The following PER1 variants were observed in gnomAD, a reference collection of about 807,000 sequenced individuals.
PER1 encodes period circadian protein homolog 1.
Under a neutral mutation model 125.9 loss-of-function variants are expected in PER1, and 87 were observed. That is an observed-to-expected ratio of 0.69 (90% CI 0.58 to 0.83). PER1 has a LOEUF of 0.83. PER1 is among the 40% of genes least tolerant of loss of function. PER1 has a pLI of 0.00. For missense variants in PER1, 1,775 were observed against 1,722.8 expected (o/e 1.03, Z -0.54); for synonymous variants, 801 against 714.7 (o/e 1.12, Z -1.93).
At position 8,142,249 on chromosome 17, in the gene PER1, AG is replaced by A. The variant is rs1982127527; in HGVS notation, c.3449+19del. Reference sequence around the variant, plus strand: ...ACTACCTCTGAAAGGAAGGCCAAGAAGGCCTCTGAAATGCCTCACCTGGAGG... The same window carrying A: ...ACTACCTCTGAAAGGAAGGCCAAGAAGCCTCTGAAATGCCTCACCTGGAGG... On this transcript the variant is annotated intron_variant, in intron 21 of 22. Coordinates refer to ENST00000317276, the MANE Select transcript of PER1 (RefSeq NM_002616.3). 1.3e-6 allele frequency: 2 copies of A among 1,556,532 alleles called. No homozygotes were observed. Among genetic ancestry groups the A allele is most frequent in the East Asian group, 4.5e-5 (2 of 44,388 alleles).
chr17:8,148,262 G>A lies in PER1; in HGVS notation c.1049-3C>T, dbSNP rs1359174561. ...CTTGTCAGGGGGTATCCGGGGAGCT[G>A]AGGCACAGAGAGTGTGGTCACTGGG... On this transcript the variant is annotated splice_polypyrimidine_tract_variant and splice_region_variant and intron_variant, in intron 8 of 22. Transcript: ENST00000317276. 1.9e-6 allele frequency: 3 copies of A among 1,612,732 alleles called. No individual in the cohort carries two copies. Among genetic ancestry groups the A allele is most frequent in the Non-Finnish European group, 1.7e-6 (2 of 1,178,810 alleles).
chr17:8,148,030 C>T lies in PER1; in HGVS notation c.1201G>A (p.Asp401Asn). 2 of 1,613,270 alleles carry T rather than the reference C, an allele frequency of 1.2e-6. No homozygotes were observed. The highest frequency in any genetic ancestry group is 1.7e-6 in the Non-Finnish European group (2 of 1,179,662). Residue 401 changes from aspartate to asparagine, a missense_variant, in exon 10 of 23, where the codon GAC becomes AAC. Asp to Asn is a conservative substitution (Grantham distance 23). Coordinates refer to ENST00000317276, the MANE Select transcript of PER1 (RefSeq NM_002616.3). ...TGGATAGCCAGCATGAGGGGTCGGT[C>T]CTCAGGATGCAGGAACAGGAGCACT... ...APVLLFLHPE[D>N]RPLMLAIHKK...
chr17:8,145,009 T>C lies in PER1; in HGVS notation c.2219-16A>G. ...ATGATGATGTCTGAGGAGAGTGAGA[T>C]AGGGAAAGGTCATCAGAACCACTTC... On this transcript the variant is annotated splice_polypyrimidine_tract_variant and intron_variant, in intron 17 of 22. Transcript: ENST00000317276. 6.9e-7 allele frequency: 1 copy of C among 1,450,928 alleles called. No individual in the cohort carries two copies. The highest frequency in any genetic ancestry group is 1.6e-5 in the South Asian group (1 of 64,494). The allele number at this position is 1,450,928 out of a possible 1,614,324, so 89.9% of individuals were successfully genotyped here. A position where few individuals can be genotyped will look rare whatever the true frequency, so the allele number is the denominator to read the frequency against.
At chr17:8,144,596 A>G in intron 18 of PER1, 155 bp downstream of exon 18, 1 of 985,288 alleles carries the variant, frequency 1.0e-6, no homozygotes, top group Non-Finnish European at 1.5e-6. Flanking sequence ...AGTGGGGAGA[A>G]GCTAGCGAGG....
In PER1 at chr17:8,143,495, G is replaced by C; in HGVS notation, c.2843C>G (p.Thr948Ser). 1 of 1,583,220 alleles carries C rather than the reference G, an allele frequency of 6.3e-7. No homozygotes were observed. Among genetic ancestry groups the C allele is most frequent in the Non-Finnish European group, 8.6e-7 (1 of 1,162,622 alleles). ...TGGAGAAGGGGAGTGCGAGGCAGGA[G>C]TGGGAGGCCCTTCAGCAGGGGTCTG... ...ALQTPAEGPP[T>S]PASHSPSPSL... Residue 948 changes from threonine (T) to serine (S), a missense_variant, in exon 19 of 23, where the codon ACT becomes AGT. Coordinates refer to ENST00000317276, the MANE Select transcript of PER1 (RefSeq NM_002616.3).
chr17:8,143,813 G>A lies in PER1; in HGVS notation c.2525C>T (p.Ser842Leu), dbSNP rs763458765. The change falls in exon 19 of 23, where the codon TCA (serine) becomes TTA (leucine). Residue 842 changes from serine to leucine, a missense_variant. Coordinates refer to ENST00000317276, the MANE Select transcript of PER1 (RefSeq NM_002616.3). ...RHHCRSKAKR[S>L]RHHQNPRAEA... The stretch of plus-strand genomic sequence containing the variant: ...AGCCCGAGGGTTCTGGTGGTGGCGT[G>A]AGCGCTTGGCTTTGGATCGGCAGTG... The A allele has an allele frequency of 1.2e-6, 2 of 1,612,608 alleles. No individual in the cohort carries two copies. Among genetic ancestry groups the A allele is most frequent in the Non-Finnish European group, 1.7e-6 (2 of 1,179,336 alleles).
intron 17 of PER1, 127 bp downstream of exon 17, chr17:8,145,831 C>CA: frequency 9.2e-7 from 1 of 1,087,674 alleles, no homozygotes; most frequent in East Asian, 2.6e-5. Context: ...GCAGTAGCCC[C>CA]AAGCCCCAGG....
At position 8,148,272 on chromosome 17, in the gene PER1, G is replaced by T; in HGVS notation, c.1049-13C>A. ...GGTATCCGGGGAGCTGAGGCACAGA[G>T]AGTGTGGTCACTGGGTTTCGTCCAG... On this transcript the variant is annotated splice_polypyrimidine_tract_variant and intron_variant, in intron 8 of 22. Coordinates refer to ENST00000317276, the MANE Select transcript of PER1 (RefSeq NM_002616.3). The T allele has an allele frequency of 6.2e-7, 1 of 1,610,522 alleles. No homozygotes were observed. The highest frequency in any genetic ancestry group is 8.5e-7 in the Non-Finnish European group (1 of 1,176,880).
chr17:8,149,712 GAGT>G (rs1567537995), intron 5 of PER1, 40 bp downstream of exon 5: 1 of 1,612,902 alleles, frequency 6.2e-7, no homozygotes, highest in Non-Finnish European at 8.5e-7. Flanking sequence ...GTGGGAGAAG[GAGT>G]AGGGGTGCGT....
At chr17:8,144,384 GCCCAGACCCCA>G (rs879452813) in intron 18 of PER1, 3 of 427,568 alleles carry the variant, frequency 7.0e-6, no homozygotes, top group Non-Finnish European at 1.2e-5. Flanking sequence ...TGCCCTTGAA[GCCCAGACCCCA>G]CCCAGAGTTG....
chr17:8,143,578 G>T lies in PER1; in HGVS notation c.2760C>A (p.Ala920=), dbSNP rs1425719962. The T allele has an allele frequency of 6.8e-7, 1 of 1,467,812 alleles. No individual in the cohort carries two copies. Among genetic ancestry groups the T allele is most frequent in the Non-Finnish European group, 9.1e-7 (1 of 1,104,250 alleles). The allele number at this position is 1,467,812 out of a possible 1,614,324, so 90.9% of individuals were successfully genotyped here. A position where few individuals can be genotyped will look rare whatever the true frequency, so the allele number is the denominator to read the frequency against. ...FPAPLVTPMV[A]LVLPNYLFPT... ...GGAACAGATAGTTAGGGAGCACCAA[G>T]GCCACCATTGGGGTCACCAAAGGGG... Residue 920 remains alanine (A), a synonymous_variant, in exon 19 of 23, where the codon GCC becomes GCA. Transcript: ENST00000317276.
rs746413621 is a variant in PER1, at chr17:8,146,882, T to C, written c.1735+15A>G. Reference sequence around the variant, plus strand: ...CCAGGTCTGTCTCTTCACCCACACATCATCATCAACTCACCAGGGAGGCGG... The same window carrying C: ...CCAGGTCTGTCTCTTCACCCACACACCATCATCAACTCACCAGGGAGGCGG... On this transcript the variant is annotated intron_variant, in intron 14 of 22. Coordinates refer to ENST00000317276, the MANE Select transcript of PER1 (RefSeq NM_002616.3). 1 of 1,611,896 alleles carries C rather than the reference T, an allele frequency of 6.2e-7. No individual in the cohort carries two copies. The highest frequency in any genetic ancestry group is 1.1e-5 in the South Asian group (1 of 90,924).
rs747294677 is a variant in PER1 at position 8,149,952 on chromosome 17, C to T, written c.529+19G>A. 10 of 1,613,740 alleles carry T rather than the reference C, an allele frequency of 6.2e-6. No homozygotes were observed. In the African/African-American group the frequency reaches 1.2e-4, roughly 19 times the overall value. On this transcript the variant is annotated intron_variant, in intron 4 of 22. Transcript: ENST00000317276. ...GGAGCCCAGGCCCAGGCCATTCCCT[C>T]TTGGGACACACCACTTACCCTGCAC...
At position 8,142,448 on chromosome 17, in the gene PER1, C is replaced by A. The variant is rs147163947; in HGVS notation, c.3270G>T (p.Gln1090His). 2.5e-6 allele frequency: 4 copies of A among 1,579,880 alleles called. No homozygotes were observed. In the African/African-American group the frequency reaches 4.0e-5, roughly 16 times the overall value. ...CAAAGTATTTGCTTGTGTGGCTGCTCTGGCTGCTGCCTGTGAAGTGGGGGG... is the reference window on the plus strand; with the variant it reads ...CAAAGTATTTGCTTGTGTGGCTGCTATGGCTGCTGCCTGTGAAGTGGGGGG... ...STSASITRSS[Q>H]SSHTSKYFGS... is the part of the protein sequence containing the mutation. The change falls in exon 21 of 23, where the codon CAG becomes CAT. Residue 1090 changes from glutamine (Q) to histidine (H), a missense_variant. Coordinates refer to ENST00000317276, the MANE Select transcript of PER1 (RefSeq NM_002616.3).
chr17:8,146,011 C>T lies in PER1; in HGVS notation c.2165G>A (p.Cys722Tyr). The T allele has an allele frequency of 6.2e-7, 1 of 1,613,942 alleles. No homozygotes were observed. Among genetic ancestry groups the T allele is most frequent in the East Asian group, 2.2e-5 (1 of 44,884 alleles). The part of the protein sequence containing the change: ...AESVVSVTSQ[C>Y]SFSSTIVHVG... ...ATGGACGATGGTGGAGCTGAAGCTA[C>T]ACTGACTGGTGACGGACACCACACT... The change falls in exon 17 of 23, where the codon TGT (cysteine) becomes TAT (tyrosine). Residue 722 changes from cysteine (C) to tyrosine (Y), a missense_variant. By Grantham distance (194) the Cys-to-Tyr change is radical. Transcript: ENST00000317276.
intron 19 of PER1, 127 bp downstream of exon 19, chr17:8,143,139 G>A (rs1982185955): frequency 1.3e-5 from 9 of 703,890 alleles, no homozygotes; most frequent in South Asian, 3.9e-5. Flanking sequence ...CAGAAATTCA[G>A]CTGGGGACTC....
At position 8,141,162 on chromosome 17, in the gene PER1, G is replaced by A; in HGVS notation, c.3779C>T (p.Ala1260Val). Residue 1260 changes from alanine (A) to valine (V), a missense_variant, in exon 23 of 23, where the codon GCT becomes GTT. Transcript: ENST00000317276. Reference protein sequence around the residue: ...GCEEAQGGAKASSSQDLAMEE... With the variant: ...GCEEAQGGAKVSSSQDLAMEE... The stretch of plus-strand genomic sequence containing the variant: ...CATAGCCAAGTCCTGAGAGCTTGAA[G>A]CCTTGGCCCCGCCTTGGGCCTCCTC... 1 of 1,614,160 alleles carries A rather than the reference G, an allele frequency of 6.2e-7. No homozygotes were observed. Among genetic ancestry groups the A allele is most frequent in the African/African-American group, 1.3e-5 (1 of 75,050 alleles).
At chr17:8,145,766 G>C (rs1489470580) in intron 17 of PER1, among the ~76,000 whole-genome samples, 192 bp downstream of exon 17, 1 of 152,214 alleles carries the variant, frequency 6.6e-6, no homozygotes, top group Non-Finnish European at 1.5e-5. Context: ...AATACGAGAA[G>C]CAGAACAGGG....
chr17:8,150,089 T>C lies in PER1; in HGVS notation c.411A>G (p.Glu137=). 6.2e-7 allele frequency: 1 copy of C among 1,614,088 alleles called. No individual in the cohort carries two copies. Residue 137 remains glutamate (E), a synonymous_variant, in exon 4 of 23, where the codon GAA becomes GAG. Coordinates refer to ENST00000317276, the MANE Select transcript of PER1 (RefSeq NM_002616.3). Reference sequence around the variant, plus strand: ...TGAGCTCTCGAAGTGCTGTCATGAGTTCCTTCTGAGTCCTTGCCCGGGCTG... The same window carrying C: ...TGAGCTCTCGAAGTGCTGTCATGAGCTCCTTCTGAGTCCTTGCCCGGGCTG... ...EQSARARTQK[E]LMTALRELKL...
Sources: allele counts gnomAD v4.1 joint callset (sites outside exome capture counted in the v4.1 genomes callset), GRCh38; gene constraint gnomAD v4.1.1; transcripts MANE v1.5; gene names NCBI Gene and HGNC (gene_info 2026-07-23, HGNC 2026-07-21).